Variants in GSE1 observed in about 807,000 individuals in gnomAD.
The protein encoded by GSE1 is genetic suppressor element 1.
Under a neutral mutation model 112.6 loss-of-function variants are expected in GSE1, and 32 were observed. The ratio of observed to expected loss-of-function variants is 0.28; its 90% CI spans 0.21 to 0.38. The LOEUF (loss-of-function observed/expected upper bound fraction) is 0.38. Ranked by LOEUF, GSE1 falls within the 10% of genes least tolerant of loss-of-function variation. GSE1 has a pLI of 1.00. For missense variants in GSE1, 2,348 were observed against 1,699.2 expected (o/e 1.38, Z -6.71); for synonymous variants, 1,115 against 735.6 (o/e 1.52, Z -8.35).
Position 85,331,361 on chromosome 16 carries a change from G to GTATATATATA in GSE1, c.2284-26101_2284-26100insATATATATAT, listed in dbSNP as rs1299782485. Among the ~76,000 whole-genome samples, 151 of 67,002 alleles carry GTATATATATA rather than the reference G, an allele frequency of 2.3e-3. 5 individuals carry two copies. Among genetic ancestry groups the GTATATATATA allele is most frequent in the Admixed American group, 0.017 (124 of 7,466 alleles). 44.0% of individuals were successfully genotyped at this position (67,002 alleles called of 152,430 possible). ...TGTGTGTGTGTGTGTGTGTGTGTGT[G>GTATATATATA]TGTGTATATATGTATATATATGTAT... On this transcript the variant is annotated intron_variant, in intron 1 of 2. Transcript: ENST00000637419.
At chr16:85,565,390 G>A (rs1430206251) in intron 1 of GSE1, among the ~76,000 whole-genome samples, 1 of 139,042 alleles carries the variant, frequency 7.2e-6, no homozygotes, top group Non-Finnish European at 1.5e-5. Flanking sequence ...GTGAGACTCT[G>A]TCTCAAAAAA....
At chr16:85,370,158 C>A (rs1465230770) in intron 2 of GSE1, among the ~76,000 whole-genome samples, 1 of 152,156 alleles carries the variant, frequency 6.6e-6, no homozygotes, top group Non-Finnish European at 1.5e-5. Context: ...CGCAGTGAAG[C>A]CCTGGATGCA....
At chr16:85,265,133 A>C (rs1283351386) in intron 1 of GSE1, among the ~76,000 whole-genome samples, 1 of 152,106 alleles carries the variant, frequency 6.6e-6, no homozygotes, top group Non-Finnish European at 1.5e-5. Context: ...GAGTTGGGAG[A>C]GTTGCAAGGG....
chr16:85,552,366 T>G (rs1353826389), upstream of GSE1, among the ~76,000 whole-genome samples: 4 of 79,158 alleles, frequency 5.1e-5, no homozygotes, highest in Non-Finnish European at 1.0e-4. Context: ...GGAGTCTCGC[T>G]CTGTGCCCAG....
intron 1 of GSE1, among the ~76,000 whole-genome samples, chr16:85,309,739 T>G (rs2045781627): frequency 1.3e-5 from 2 of 152,178 alleles, no homozygotes; most frequent in Admixed American, 1.3e-4. Context: ...GCTGTCGCGG[T>G]GCTGCAGAGC....
intron 2 of GSE1, among the ~76,000 whole-genome samples, chr16:85,473,988 G>A (rs1023353855): frequency 1.3e-5 from 2 of 150,722 alleles, no homozygotes; most frequent in African/African-American, 2.5e-5. Context: ...GCCCTGGGGG[G>A]CAGCAGGCCT....
chr16:85,638,426 G>A (rs993407360), intron 2 of GSE1, among the ~76,000 whole-genome samples: 2 of 152,206 alleles, frequency 1.3e-5, no homozygotes, highest in Admixed American at 6.5e-5. Context: ...AGGCTGGGGC[G>A]CTTTGGGCAA....
chr16:85,295,536 C>T (rs1372923986), intron 1 of GSE1, among the ~76,000 whole-genome samples: 1 of 151,856 alleles, frequency 6.6e-6, no homozygotes, highest in Non-Finnish European at 1.5e-5. Context: ...TTGTGTGAAG[C>T]CTCATGGCCT....
At chr16:85,649,432 C>G (rs1033615759) in intron 3 of GSE1, among the ~76,000 whole-genome samples, 9 of 152,226 alleles carry the variant, frequency 5.9e-5, no homozygotes, top group Non-Finnish European at 1.3e-4. Context: ...AACAAGACAT[C>G]TGGTGGGTTT....
At chr16:85,259,562 C>T (rs1907453359) in intron 1 of GSE1, among the ~76,000 whole-genome samples, 1 of 152,242 alleles carries the variant, frequency 6.6e-6, no homozygotes, top group Non-Finnish European at 1.5e-5. Context: ...GGCAGCTGCA[C>T]AGAGCTGCCC....
intron 1 of GSE1, among the ~76,000 whole-genome samples, chr16:85,197,378 C>G (rs988735925): frequency 2.0e-5 from 3 of 152,080 alleles, no homozygotes; most frequent in African/African-American, 7.2e-5. Context: ...AGGACTCCAG[C>G]CCTTTCTCTT....
chr16:85,197,604 A>G (rs1277063698), intron 1 of GSE1, among the ~76,000 whole-genome samples: 5 of 152,176 alleles, frequency 3.3e-5, no homozygotes, highest in African/African-American at 1.2e-4. Flanking sequence ...GGCAGTCACA[A>G]GAGCGCTGGC....
chr16:85,261,404 G>A (rs1597219994), intron 1 of GSE1, among the ~76,000 whole-genome samples: 1 of 152,244 alleles, frequency 6.6e-6, no homozygotes, highest in East Asian at 1.9e-4. Flanking sequence ...TTTGAGCTGT[G>A]CCTGACTTCT....
At chr16:85,493,556 C>G (rs2051075262) in intron 2 of GSE1, among the ~76,000 whole-genome samples, 1 of 152,002 alleles carries the variant, frequency 6.6e-6, no homozygotes, top group South Asian at 2.1e-4. Flanking sequence ...GAGTTCAAGA[C>G]CAGCCTGACC....
intron 2 of GSE1, among the ~76,000 whole-genome samples, chr16:85,503,250 G>A (rs1242181782): frequency 2.0e-5 from 3 of 152,226 alleles, no homozygotes; most frequent in African/African-American, 7.2e-5. Context: ...GCATCCAGGG[G>A]TCACCACACG....
At chr16:85,599,304 A>G (rs1014877782) in intron 1 of GSE1, among the ~76,000 whole-genome samples, 7 of 152,272 alleles carry the variant, frequency 4.6e-5, no homozygotes, top group African/African-American at 1.7e-4. Flanking sequence ...ATCACGCCAC[A>G]GGTCAGATGA....
chr16:85,246,013 G>A (rs75051416), intron 1 of GSE1, among the ~76,000 whole-genome samples: 1,561 of 151,272 alleles, frequency 0.01, 14 homozygotes, highest in Non-Finnish European at 0.017. Flanking sequence ...GGGTGTGTGC[G>A]TGTGTGTGTG....
chr16:85,220,495 G>A (rs1327714945), intron 1 of GSE1, among the ~76,000 whole-genome samples: 1 of 152,202 alleles, frequency 6.6e-6, no homozygotes, highest in Non-Finnish European at 1.5e-5. Context: ...GCTCAGAGCC[G>A]GGCCCGCGGC....
intron 1 of GSE1, among the ~76,000 whole-genome samples, chr16:85,357,116 C>T (rs200565580): frequency 6.6e-6 from 1 of 152,218 alleles, no homozygotes; most frequent in Non-Finnish European, 1.5e-5. Context: ...CCTCAGGCTC[C>T]CTCTTAGATG....
Sources: allele counts gnomAD v4.1 joint callset (sites outside exome capture counted in the v4.1 genomes callset), GRCh38; gene constraint gnomAD v4.1.1; transcripts MANE v1.5; gene names NCBI Gene and HGNC (gene_info 2026-07-23, HGNC 2026-07-21).